Variants in LHFPL6 observed in about 807,000 individuals in gnomAD.
The protein encoded by LHFPL6 is LHFPL tetraspan subfamily member 6 protein.
Under a neutral mutation model 20.6 loss-of-function variants are expected in LHFPL6, and 9 were observed. The ratio of observed to expected loss-of-function variants is 0.44; its 90% CI spans 0.26 to 0.76. The LOEUF (loss-of-function observed/expected upper bound fraction) is 0.76, where lower values mean the gene tolerates loss of function less well. Ranked by LOEUF, LHFPL6 falls within the 30% of genes least tolerant of loss-of-function variation. The probability of loss-of-function intolerance (pLI) is 0.20; values close to 1 mark genes in which losing one functional copy is unlikely to be tolerated. For synonymous variants in LHFPL6, 105 were observed against 98.7 expected, an observed-to-expected ratio of 1.06 and a Z score of -0.38; for missense variants, 218 against 253.5, an observed-to-expected ratio of 0.86 and a Z score of 0.95.
chr13:39,354,001 T>C (rs1466413573), intron 3 of LHFPL6, among the ~76,000 whole-genome samples: 1 of 152,146 alleles, frequency 6.6e-6, no homozygotes, highest in Admixed American at 6.6e-5. Context: ...ATTTTCAAAA[T>C]ATCCCAGGAG....
At chr13:39,453,432 C>T (rs148623977) in intron 2 of LHFPL6, among the ~76,000 whole-genome samples, 51 of 152,220 alleles carry the variant, frequency 3.4e-4, no homozygotes, top group African/African-American at 1.2e-3. Context: ...TCATGCAGTA[C>T]CTTTTGCCTA....
At position 39,600,932 on chromosome 13, in the gene LHFPL6, G is replaced by T. The variant is rs779120343; in HGVS notation, c.285C>A (p.Leu95=). 1 of 1,600,946 alleles carries T rather than the reference G, an allele frequency of 6.2e-7. No individual in the cohort carries two copies. Among genetic ancestry groups the T allele is most frequent in the East Asian group, 2.2e-5 (1 of 44,632 alleles). Residue 95 remains leucine (L), a synonymous_variant, in exon 2 of 4, where the codon CTC becomes CTA. Coordinates refer to ENST00000379589, the MANE Select transcript of LHFPL6 (RefSeq NM_005780.3). ...GGGCAGTGAGCGCCACCAGGAGGAG[G>T]AGGCCACAACCCAGGCCGGTCACTA... ...CTIVTGLGCG[L]LLLVALTALM...
chr13:39,555,796 A>G (rs1431453751), intron 2 of LHFPL6, among the ~76,000 whole-genome samples: 2 of 152,238 alleles, frequency 1.3e-5, no homozygotes, highest in African/African-American at 4.8e-5. Flanking sequence ...AGGACATTCC[A>G]TCCATACATG....
At chr13:39,437,587 C>T (rs1039137004) in intron 2 of LHFPL6, among the ~76,000 whole-genome samples, 14 of 152,128 alleles carry the variant, frequency 9.2e-5, no homozygotes, top group African/African-American at 3.4e-4. Context: ...TATTGAGTCT[C>T]AGGTATTTCT....
chr13:39,383,747 C>T (rs17059768), intron 2 of LHFPL6, among the ~76,000 whole-genome samples: 1 of 152,138 alleles, frequency 6.6e-6, no homozygotes, highest in African/African-American at 2.4e-5. Flanking sequence ...GGGTCATACT[C>T]TGTCAATAAG....
chr13:39,477,622 G>A (rs777790289), intron 2 of LHFPL6, among the ~76,000 whole-genome samples: 20 of 152,080 alleles, frequency 1.3e-4, no homozygotes, highest in Non-Finnish European at 2.2e-4. Context: ...TTCATCCTTC[G>A]ATAAAACATA....
intron 2 of LHFPL6, among the ~76,000 whole-genome samples, chr13:39,552,276 A>C (rs1318775209): frequency 6.6e-6 from 1 of 152,198 alleles, no homozygotes; most frequent in Non-Finnish European, 1.5e-5. Context: ...GCATTAATAT[A>C]AGGAGAATCT....
At chr13:39,420,418 T>C (rs9566432) in intron 2 of LHFPL6, among the ~76,000 whole-genome samples, 74,040 of 152,014 alleles carry the variant, frequency 0.49, 20,144 homozygotes, top group Non-Finnish European at 0.59. Context: ...TTAAAAGAAC[T>C]GTTCTAAAAG....
At chr13:39,355,594 T>C (rs998605095) in intron 3 of LHFPL6, among the ~76,000 whole-genome samples, 4 of 152,176 alleles carry the variant, frequency 2.6e-5, no homozygotes, top group Admixed American at 6.5e-5. Flanking sequence ...GAGTGGCAAG[T>C]TGGGTAAAAC....
chr13:39,555,084 C>T (rs1438485993), intron 2 of LHFPL6, among the ~76,000 whole-genome samples: 2 of 152,110 alleles, frequency 1.3e-5, no homozygotes, highest in Admixed American at 6.5e-5. Flanking sequence ...CGAACAAGGC[C>T]AAGTAAGCTT....
rs527509161 is a variant in LHFPL6 at position 39,544,913 on chromosome 13, T to G, written c.385+55919A>C. Reference sequence around the variant, plus strand: ...ACTACAAATAGGCAAACATCCAACTTAATTTTCAAACCAAGATTACTAAAA... The same window carrying G: ...ACTACAAATAGGCAAACATCCAACTGAATTTTCAAACCAAGATTACTAAAA... On this transcript the variant is annotated intron_variant, in intron 2 of 3. Transcript: ENST00000379589. Among the ~76,000 whole-genome samples, 15 of 152,062 alleles carry G rather than the reference T, an allele frequency of 9.9e-5. 1 individual carries two copies. The South Asian group carries it at 2.3e-3, about 23-fold the overall frequency.
At chr13:39,399,808 A>C (rs1870941041) in intron 2 of LHFPL6, among the ~76,000 whole-genome samples, 1 of 152,316 alleles carries the variant, frequency 6.6e-6, no homozygotes, top group East Asian at 1.9e-4. Flanking sequence ...AATTCATAAA[A>C]CTAGGCCAGG....
intron 2 of LHFPL6, among the ~76,000 whole-genome samples, chr13:39,455,097 G>A (rs972575767): frequency 3.3e-5 from 5 of 152,032 alleles, no homozygotes; most frequent in African/African-American, 7.2e-5. Context: ...TTGTACATGG[G>A]TCATGGGCTT....
At position 39,372,588 on chromosome 13, in the gene LHFPL6, T is replaced by C. The variant is rs149672822; in HGVS notation, c.484+5840A>G. On this transcript the variant is annotated intron_variant, in intron 3 of 3. Coordinates refer to ENST00000379589, the MANE Select transcript of LHFPL6 (RefSeq NM_005780.3). ...ACAGACTTTGATTTGTGAAAGTGAA[T>C]ACTTTTGCAAGATTGCTTCAGAGCG... Among the ~76,000 whole-genome samples the C allele has an allele frequency of 3.1e-4, 47 of 152,372 alleles. 1 individual carries two copies. Among genetic ancestry groups the C allele is most frequent in the Non-Finnish European group, 5.9e-5 (4 of 68,036 alleles).
intron 3 of LHFPL6, among the ~76,000 whole-genome samples, chr13:39,346,910 C>A (rs1869415072): frequency 6.6e-6 from 1 of 151,918 alleles, no homozygotes; most frequent in African/African-American, 2.4e-5. Flanking sequence ...GCCTCCACAT[C>A]TTAAAAGTTC....
chr13:39,403,957 T>C (rs957083945), intron 2 of LHFPL6, among the ~76,000 whole-genome samples: 1 of 152,148 alleles, frequency 6.6e-6, no homozygotes, highest in African/African-American at 2.4e-5. Context: ...TGAGGCCAAG[T>C]AGAAGGCCTG....
At chr13:39,473,439 C>T (rs1226592426) in intron 2 of LHFPL6, among the ~76,000 whole-genome samples, 1 of 151,332 alleles carries the variant, frequency 6.6e-6, no homozygotes, top group Non-Finnish European at 1.5e-5. Context: ...TCACTGGGTA[C>T]CTTAGGGACT....
Position 39,343,869 on chromosome 13 carries a change from G to A in LHFPL6, c.*67C>T. ...ACTATCCCACCTTTTGAAGGTAGGT[G>A]GATGTTTTGACCTCTCCAAGCCCCT... On this transcript the variant is annotated 3_prime_UTR_variant, in exon 4 of 4. Transcript: ENST00000379589. 8.9e-7 allele frequency: 1 copy of A among 1,119,026 alleles called. No homozygotes were observed. The highest frequency in any genetic ancestry group is 1.3e-6 in the Non-Finnish European group (1 of 747,604). The allele number at this position is 1,119,026 out of a possible 1,614,324, so 69.3% of individuals were successfully genotyped here.
Position 39,448,967 on chromosome 13 carries a change from C to A in LHFPL6, c.386-70441G>T, listed in dbSNP as rs1475698010. Among the ~76,000 whole-genome samples, 3 of 152,352 alleles carry A rather than the reference C, an allele frequency of 2.0e-5. No individual in the cohort carries two copies. In the East Asian group the frequency reaches 5.8e-4, roughly 29 times the overall value. On this transcript the variant is annotated intron_variant, in intron 2 of 3. Coordinates refer to ENST00000379589, the MANE Select transcript of LHFPL6 (RefSeq NM_005780.3). ...GCAGATGCATTAGAAGTCATCTGAT[C>A]TGGGGAGCTAATCCCAATGCTGTCA...
Sources: gnomAD v4.1 joint callset for allele counts (sites outside exome capture counted in the v4.1 genomes callset) on GRCh38, gnomAD v4.1.1 for gene constraint, MANE v1.5 for transcripts, NCBI Gene and HGNC (gene_info 2026-07-23, HGNC 2026-07-21) for gene names.